The following CCBE1 variants were observed in gnomAD, a reference collection of about 807,000 sequenced individuals.
CCBE1 encodes the protein collagen and calcium-binding EGF domain-containing protein 1.
In CCBE1, 37 loss-of-function variants were observed where a neutral mutation model predicts 50.0. The observed-to-expected ratio is 0.74, with a 90% CI of 0.57 to 0.97. The LOEUF (loss-of-function observed/expected upper bound fraction) is 0.97. Ranked by LOEUF, CCBE1 falls within the 50% of genes least tolerant of loss-of-function variation. The pLI is 0.00. For missense variants in CCBE1, 538 were observed against 523.8 expected (o/e 1.03, Z -0.26); for synonymous variants, 234 against 203.7 (o/e 1.15, Z -1.27).
At chr18:59,470,951 T>A (rs1442748846) in intron 3 of CCBE1, among the ~76,000 whole-genome samples, 3 of 152,212 alleles carry the variant, frequency 2.0e-5, no homozygotes, top group African/African-American at 7.2e-5. Flanking sequence ...TGATTGTGAT[T>A]TCAGGCCTGC....
intron 2 of CCBE1, among the ~76,000 whole-genome samples, chr18:59,589,834 C>T (rs569669051): frequency 2.6e-4 from 38 of 147,564 alleles, no homozygotes; most frequent in Non-Finnish European, 4.9e-4. Flanking sequence ...AAATGTTACA[C>T]ACCTTGACCA....
chr18:59,647,764 T>C (rs998765148), intron 2 of CCBE1, among the ~76,000 whole-genome samples: 1 of 152,240 alleles, frequency 6.6e-6, no homozygotes, highest in African/African-American at 2.4e-5. Context: ...GGTACACATT[T>C]CAATTGTTTC....
intron 3 of CCBE1, among the ~76,000 whole-genome samples, chr18:59,478,080 C>G (rs989013319): frequency 3.3e-5 from 5 of 152,234 alleles, no homozygotes; most frequent in Admixed American, 6.5e-5. Context: ...TAGAAAAAAC[C>G]TGACCTCCCC....
At chr18:59,573,910 AAT>A (rs1369360884) in intron 2 of CCBE1, among the ~76,000 whole-genome samples, 1 of 152,212 alleles carries the variant, frequency 6.6e-6, no homozygotes, top group African/African-American at 2.4e-5. Flanking sequence ...CAGTTTTAAA[AAT>A]AGTTTCATGT....
intron 3 of CCBE1, among the ~76,000 whole-genome samples, chr18:59,471,897 G>C (rs891939538): frequency 6.6e-6 from 1 of 152,202 alleles, no homozygotes; most frequent in Non-Finnish European, 1.5e-5. Flanking sequence ...GCTGCAAGCC[G>C]GGCATGGTGG....
At chr18:59,613,863 G>GTTTTTTTTTT (rs34847608) in intron 2 of CCBE1, among the ~76,000 whole-genome samples, 8 of 98,446 alleles carry the variant, frequency 8.1e-5, no homozygotes, top group East Asian at 3.2e-4. Flanking sequence ...TCTCTGATGG[G>GTTTTTTTTTT]TTTTTTTTTT....
intron 2 of CCBE1, among the ~76,000 whole-genome samples, chr18:59,502,127 C>G (rs1205957266): frequency 2.0e-5 from 3 of 152,172 alleles, no homozygotes; most frequent in Non-Finnish European, 4.4e-5. Context: ...TAAAAGGCAG[C>G]CAAGATTGAG....
chr18:59,593,466 A>C (rs2053304196), intron 2 of CCBE1, among the ~76,000 whole-genome samples: 1 of 152,248 alleles, frequency 6.6e-6, no homozygotes, highest in Admixed American at 6.5e-5. Flanking sequence ...ACCAACTGTA[A>C]ATTCCAAAGC....
At chr18:59,481,730 G>A (rs1912579790) in intron 2 of CCBE1, among the ~76,000 whole-genome samples, 1 of 152,080 alleles carries the variant, frequency 6.6e-6, no homozygotes, top group Non-Finnish European at 1.5e-5. Flanking sequence ...TATCCTTCAA[G>A]AATGAAGATG....
intron 2 of CCBE1, among the ~76,000 whole-genome samples, chr18:59,584,815 T>C (rs2053154070): frequency 1.3e-5 from 2 of 152,202 alleles, no homozygotes; most frequent in Non-Finnish European, 2.9e-5. Flanking sequence ...TTAAACCTCT[T>C]TTCTTTATAA....
At chr18:59,456,123 A>G (rs1398492031) in intron 5 of CCBE1, among the ~76,000 whole-genome samples, 2 of 152,132 alleles carry the variant, frequency 1.3e-5, no homozygotes, top group Admixed American at 6.5e-5. Flanking sequence ...ATCAGGCAGC[A>G]TTTACCGTGT....
At chr18:59,463,471 G>C (rs543427354) in intron 5 of CCBE1, among the ~76,000 whole-genome samples, 1 of 152,284 alleles carries the variant, frequency 6.6e-6, no homozygotes, top group South Asian at 2.1e-4. Flanking sequence ...TTGCTGCCTT[G>C]GGGACTGAAG....
At chr18:59,652,488 T>C (rs1477399890) in intron 2 of CCBE1, among the ~76,000 whole-genome samples, 1 of 151,894 alleles carries the variant, frequency 6.6e-6, no homozygotes, top group Non-Finnish European at 1.5e-5. Flanking sequence ...CCCCTTTTTT[T>C]TTAATGTAAA....
intron 2 of CCBE1, among the ~76,000 whole-genome samples, chr18:59,638,643 C>A (rs895184933): frequency 6.6e-6 from 1 of 152,166 alleles, no homozygotes; most frequent in Non-Finnish European, 1.5e-5. Context: ...ACAAACTCAC[C>A]TGTTGATATA....
chr18:59,697,012 C>A (rs1050191394), intron 1 of CCBE1, among the ~76,000 whole-genome samples, 200 bp downstream of exon 1: 1 of 152,206 alleles, frequency 6.6e-6, no homozygotes, highest in African/African-American at 2.4e-5. Context: ...ACGCGACCCA[C>A]GGATGGCAGG....
chr18:59,439,775 G>A lies in CCBE1; in HGVS notation c.817C>T (p.Pro273Ser), dbSNP rs1280768725. The A allele has an allele frequency of 6.2e-7, 1 of 1,614,114 alleles. No homozygotes were observed. The highest frequency in any genetic ancestry group is 8.5e-7 in the Non-Finnish European group (1 of 1,180,000). ...GGGCCGGGCTGCCCAGGAGGGCCTGGCATACCGGGGAAGCCTGGGCTTCCC... is the reference window on the plus strand; with the variant it reads ...GGGCCGGGCTGCCCAGGAGGGCCTGACATACCGGGGAAGCCTGGGCTTCCC... Reference protein sequence around the residue: ...PKGSPGFPGMPGPPGQPGPRG... With the variant: ...PKGSPGFPGMSGPPGQPGPRG... The change falls in exon 8 of 11, where the codon CCA (proline) becomes TCA (serine). Residue 273 changes from proline to serine, a missense_variant. Pro to Ser is a moderately conservative substitution (Grantham distance 74). Transcript: ENST00000439986.
intron 3 of CCBE1, among the ~76,000 whole-genome samples, chr18:59,478,730 G>T (rs2143766471): frequency 6.6e-6 from 1 of 152,236 alleles, no homozygotes; most frequent in Middle Eastern, 3.4e-3. Flanking sequence ...AAACCAAAGG[G>T]GCTAAACTTA....
chr18:59,681,690 A>C (rs998090767), intron 2 of CCBE1, among the ~76,000 whole-genome samples: 6 of 152,218 alleles, frequency 3.9e-5, no homozygotes, highest in Non-Finnish European at 7.3e-5. Flanking sequence ...ATAGCAGCCC[A>C]CTTTAAAGCA....
intron 2 of CCBE1, among the ~76,000 whole-genome samples, chr18:59,587,189 T>G (rs1315333514): frequency 6.6e-6 from 1 of 152,200 alleles, no homozygotes; most frequent in Non-Finnish European, 1.5e-5. Flanking sequence ...TTATAAACCT[T>G]AAAGCCCAGT....
Sources: allele counts gnomAD v4.1 joint callset (sites outside exome capture counted in the v4.1 genomes callset), GRCh38; gene constraint gnomAD v4.1.1; transcripts MANE v1.5; gene names NCBI Gene and HGNC (gene_info 2026-07-23, HGNC 2026-07-21).